Variants in SLC25A12 observed in about 807,000 individuals in gnomAD.
The protein encoded by SLC25A12 is solute carrier family 25 member 12.
A neutral mutation model predicts 83.3 loss-of-function variants in SLC25A12; 32 were observed. That is an observed-to-expected ratio of 0.38 (90% CI 0.29 to 0.52). SLC25A12 has a LOEUF of 0.52. Among genes scored for constraint, SLC25A12 ranks in the 20% least tolerant of loss-of-function variants. The probability of loss-of-function intolerance (pLI) is 0.84; values close to 1 mark genes in which losing one functional copy is unlikely to be tolerated. For synonymous variants in SLC25A12, 267 were observed against 291.1 expected, an observed-to-expected ratio of 0.92 and a Z score of 0.84; for missense variants, 611 against 835.6, an observed-to-expected ratio of 0.73 and a Z score of 3.31.
At chr2:171,799,996 G>A (rs1021101895) in intron 13 of SLC25A12, among the ~76,000 whole-genome samples, 2 of 152,056 alleles carry the variant, frequency 1.3e-5, no homozygotes, top group Non-Finnish European at 1.5e-5. Flanking sequence ...AAAAGAACAG[G>A]TACTTACCAA....
intron 2 of SLC25A12, among the ~76,000 whole-genome samples, chr2:171,879,139 A>T (rs947784121): frequency 1.3e-5 from 2 of 152,358 alleles, no homozygotes; most frequent in Non-Finnish European, 2.9e-5. Context: ...ATTAATTTTT[A>T]AAAACAAGGA....
At chr2:171,820,365 T>C (rs1236486881) in intron 9 of SLC25A12, among the ~76,000 whole-genome samples, 17 of 152,106 alleles carry the variant, frequency 1.1e-4, no homozygotes, top group Admixed American at 1.1e-3. Flanking sequence ...AAAGTACATA[T>C]ATACCCAAGC....
At chr2:171,826,566 G>A (rs1049931202) in intron 9 of SLC25A12, among the ~76,000 whole-genome samples, 8 of 152,092 alleles carry the variant, frequency 5.3e-5, no homozygotes, top group South Asian at 2.1e-4. Flanking sequence ...CCGAGATCAC[G>A]CCATTGCACT....
chr2:171,873,667 C>G (rs955640449), intron 2 of SLC25A12, among the ~76,000 whole-genome samples: 2 of 152,070 alleles, frequency 1.3e-5, no homozygotes, highest in Non-Finnish European at 2.9e-5. Context: ...CAATTACCCA[C>G]CCCAGAGGCA....
chr2:171,876,384 C>T (rs185773322), intron 2 of SLC25A12, among the ~76,000 whole-genome samples: 1 of 152,262 alleles, frequency 6.6e-6, no homozygotes, highest in Non-Finnish European at 1.5e-5. Context: ...GTTGCCTGAA[C>T]AACACAACCA....
rs1282882881 is a variant in SLC25A12, at chr2:171,894,229, C to G, written c.-15G>C. ...TTGACCGCCATGCTGTGCTCGGAAG[C>G]CGGGGACGAGCGAGTGAGCGAGCAG... On this transcript the variant is annotated 5_prime_UTR_variant, in exon 1 of 18. Coordinates refer to ENST00000422440, the MANE Select transcript of SLC25A12 (RefSeq NM_003705.5). The G allele has an allele frequency of 3.1e-6, 5 of 1,608,496 alleles. No homozygotes were observed. The highest frequency in any genetic ancestry group is 3.4e-6 in the Non-Finnish European group (4 of 1,177,632).
chr2:171,879,934 A>T (rs1390638677), intron 2 of SLC25A12, among the ~76,000 whole-genome samples: 4 of 152,238 alleles, frequency 2.6e-5, no homozygotes, highest in African/African-American at 9.6e-5. Flanking sequence ...AAAGCTACTT[A>T]AAAATATATG....
At chr2:171,804,252 CTTAT>C (rs71401456) in intron 13 of SLC25A12, among the ~76,000 whole-genome samples, 22 of 150,608 alleles carry the variant, frequency 1.5e-4, no homozygotes, top group African/African-American at 4.1e-4. Flanking sequence ...ATCATGATTC[CTTAT>C]TTATTTATTT....
chr2:171,816,758 T>C (rs984884076), intron 9 of SLC25A12, among the ~76,000 whole-genome samples: 2 of 152,208 alleles, frequency 1.3e-5, no homozygotes, highest in African/African-American at 4.8e-5. Context: ...TCTGATACTT[T>C]GTTTCAAAGA....
intron 9 of SLC25A12, among the ~76,000 whole-genome samples, chr2:171,821,391 C>A (rs1684189031): frequency 6.6e-6 from 1 of 152,128 alleles, no homozygotes; most frequent in African/African-American, 2.4e-5. Context: ...GGAGAGGAAC[C>A]AACAGGTCAC....
intron 8 of SLC25A12, 96 bp from the exon 9 acceptor site, chr2:171,826,978 T>G: frequency 2.7e-6 from 2 of 741,186 alleles, no homozygotes; most frequent in Non-Finnish European, 4.9e-6. Flanking sequence ...AACAGTGAAC[T>G]ATAGTTTAAA....
intron 9 of SLC25A12, among the ~76,000 whole-genome samples, chr2:171,823,460 GT>G (rs1375866842): frequency 3.3e-5 from 5 of 152,304 alleles, no homozygotes; most frequent in Admixed American, 3.3e-4. Context: ...ATGGCCATTA[GT>G]GGACATTAAT....
intron 15 of SLC25A12, chr2:171,788,713 A>G (rs949763665): frequency 7.9e-5 from 12 of 152,408 alleles, no homozygotes; most frequent in African/African-American, 2.9e-4. Flanking sequence ...AAGAAATTCA[A>G]TTTGGCCTGA....
chr2:171,813,868 ATAT>A (rs1385917995), intron 10 of SLC25A12, among the ~76,000 whole-genome samples: 1 of 152,254 alleles, frequency 6.6e-6, no homozygotes, highest in African/African-American at 2.4e-5. Context: ...AAATGCTTAA[ATAT>A]TATGCCAGTT....
At chr2:171,845,522 GA>G (rs1220888970) in intron 4 of SLC25A12, among the ~76,000 whole-genome samples, 3 of 152,146 alleles carry the variant, frequency 2.0e-5, no homozygotes, top group African/African-American at 7.2e-5. Flanking sequence ...TTATACTAGA[GA>G]ATTAGTAAAT....
At chr2:171,830,204 CTACTT>C (rs1249080197) in intron 8 of SLC25A12, among the ~76,000 whole-genome samples, 3 of 152,080 alleles carry the variant, frequency 2.0e-5, no homozygotes, top group Non-Finnish European at 4.4e-5. Flanking sequence ...ATTTTACTGA[CTACTT>C]TATAGAAACA....
chr2:171,844,820 C>T (rs1341507417), intron 4 of SLC25A12, among the ~76,000 whole-genome samples: 1 of 151,972 alleles, frequency 6.6e-6, no homozygotes, highest in Non-Finnish European at 1.5e-5. Context: ...TTTTACATCC[C>T]GTATAAAATC....
chr2:171,840,745 A>G (rs1014273649), intron 5 of SLC25A12, among the ~76,000 whole-genome samples: 1 of 152,108 alleles, frequency 6.6e-6, no homozygotes, highest in Non-Finnish European at 1.5e-5. Flanking sequence ...AAGTAATAAA[A>G]TTTTCAAGAA....
chr2:171,856,882 T>C (rs1001914233), intron 3 of SLC25A12, among the ~76,000 whole-genome samples: 2 of 152,216 alleles, frequency 1.3e-5, no homozygotes, highest in Admixed American at 1.3e-4. Flanking sequence ...TTAAGCATTA[T>C]CTTTTAGAGA....
Sources: allele counts gnomAD v4.1 joint callset (sites outside exome capture counted in the v4.1 genomes callset), GRCh38; gene constraint gnomAD v4.1.1; transcripts MANE v1.5; gene names NCBI Gene and HGNC (gene_info 2026-07-23, HGNC 2026-07-21).